Variants in CTNNA2 observed in about 807,000 individuals in gnomAD.
CTNNA2 encodes the protein catenin alpha 2, also known as catenin alpha-2.
In CTNNA2, 42 loss-of-function variants were observed where a neutral mutation model predicts 101.0. The ratio of observed to expected loss-of-function variants is 0.42; its 90% CI spans 0.32 to 0.54. CTNNA2 has a LOEUF of 0.54. Ranked by LOEUF, CTNNA2 falls within the 20% of genes least tolerant of loss-of-function variation. CTNNA2 has a pLI of 0.14. For missense variants in CTNNA2, 871 were observed against 1,223.1 expected, an observed-to-expected ratio of 0.71 and a Z score of 4.29; for synonymous variants, 450 against 456.4, an observed-to-expected ratio of 0.99 and a Z score of 0.18.
chr2:79,690,424 G>A (rs971608465), intron 2 of CTNNA2, among the ~76,000 whole-genome samples: 1 of 151,886 alleles, frequency 6.6e-6, no homozygotes, highest in African/African-American at 2.4e-5. Flanking sequence ...CATACGAAAG[G>A]AAATACTTCC....
intron 7 of CTNNA2, among the ~76,000 whole-genome samples, chr2:80,063,340 A>G (rs1697741917): frequency 6.6e-6 from 1 of 152,110 alleles, no homozygotes; most frequent in Non-Finnish European, 1.5e-5. Context: ...TTCTAATAAG[A>G]TTGTAAATGC....
At chr2:80,060,164 A>G (rs1697482362) in intron 7 of CTNNA2, among the ~76,000 whole-genome samples, 1 of 152,120 alleles carries the variant, frequency 6.6e-6, no homozygotes, top group South Asian at 2.1e-4. Context: ...CTTGCCCTTG[A>G]CTTCACTGCA....
intron 7 of CTNNA2, among the ~76,000 whole-genome samples, chr2:79,921,285 C>T (rs76493769): frequency 0.015 from 2,238 of 152,168 alleles, 65 homozygotes; most frequent in African/African-American, 0.051. Context: ...TAATATAGCA[C>T]GGGTTAAAAA....
intron 9 of CTNNA2, among the ~76,000 whole-genome samples, chr2:80,519,277 A>G (rs1021960870): frequency 1.3e-5 from 2 of 152,182 alleles, no homozygotes; most frequent in Non-Finnish European, 2.9e-5. Context: ...TTTGAACACT[A>G]TCATGGATTG....
intron 7 of CTNNA2, among the ~76,000 whole-genome samples, chr2:80,355,450 T>C (rs558145762): frequency 6.6e-6 from 1 of 152,228 alleles, no homozygotes; most frequent in East Asian, 1.9e-4. Context: ...AGAGCTACAT[T>C]CTAAGGATGA....
At chr2:79,462,187 A>G (rs1197046004) in intron 4 of CTNNA2, among the ~76,000 whole-genome samples, 1 of 152,216 alleles carries the variant, frequency 6.6e-6, no homozygotes, top group East Asian at 1.9e-4. Flanking sequence ...CTTATGATTG[A>G]TGAATTCTGT....
intron 3 of CTNNA2, among the ~76,000 whole-genome samples, chr2:79,825,807 C>G (rs2105399769): frequency 6.6e-6 from 1 of 152,166 alleles, no homozygotes; most frequent in South Asian, 2.1e-4. Context: ...TGGGACCAAG[C>G]CCTGAGGATC....
intron 3 of CTNNA2, among the ~76,000 whole-genome samples, chr2:79,810,334 A>G (rs1312461299): frequency 6.6e-6 from 1 of 152,112 alleles, no homozygotes; most frequent in East Asian, 1.9e-4. Flanking sequence ...AGAAACGCCC[A>G]TAAAACCATT....
chr2:79,276,058 G>A (rs1249264102), intron 2 of CTNNA2, among the ~76,000 whole-genome samples: 1 of 151,978 alleles, frequency 6.6e-6, no homozygotes, highest in East Asian at 1.9e-4. Context: ...CAGACACCTG[G>A]GAAGACTATT....
chr2:80,009,751 TCA>T (rs759546197), intron 7 of CTNNA2, among the ~76,000 whole-genome samples: 79,655 of 146,358 alleles, frequency 0.54, 23,593 homozygotes, highest in East Asian at 0.75. Context: ...TGTGTGTGTG[TCA>T]GAGAGAGAGA....
intron 2 of CTNNA2, among the ~76,000 whole-genome samples, chr2:79,723,031 G>A (rs113366897): frequency 0.046 from 6,932 of 152,250 alleles, 187 homozygotes; most frequent in South Asian, 0.091. Context: ...ATAAGAAAGC[G>A]AAAGAGTAAG....
chr2:80,372,027 G>T (rs183441724), intron 7 of CTNNA2, among the ~76,000 whole-genome samples: 1 of 152,098 alleles, frequency 6.6e-6, no homozygotes, highest in Non-Finnish European at 1.5e-5. Flanking sequence ...CGTCCGAATT[G>T]AAGCACTTTA....
At chr2:80,212,952 G>T (rs1423613689) in intron 7 of CTNNA2, among the ~76,000 whole-genome samples, 1 of 152,108 alleles carries the variant, frequency 6.6e-6, no homozygotes, top group African/African-American at 2.4e-5. Context: ...GAGGGTGTAT[G>T]TGTCGAGGAA....
At chr2:80,490,874 A>G (rs1030134770) in intron 9 of CTNNA2, among the ~76,000 whole-genome samples, 2 of 152,274 alleles carry the variant, frequency 1.3e-5, no homozygotes, top group Middle Eastern at 3.4e-3. Flanking sequence ...ATTTGGTTTT[A>G]TGTTAAAATG....
At chr2:80,599,400 C>T (rs936091429) in intron 15 of CTNNA2, among the ~76,000 whole-genome samples, 1 of 152,168 alleles carries the variant, frequency 6.6e-6, no homozygotes, top group African/African-American at 2.4e-5. Flanking sequence ...ACCCTTGCTA[C>T]ATAAGCCAAA....
chr2:80,085,739 T>C (rs989892964), intron 7 of CTNNA2, among the ~76,000 whole-genome samples: 2 of 152,020 alleles, frequency 1.3e-5, no homozygotes, highest in African/African-American at 2.4e-5. Flanking sequence ...TGGAGTGATA[T>C]GGAGAAGGGG....
rs536655153 is a variant in CTNNA2, at chr2:80,368,507, C to CTGAAG, written c.1057-24704_1057-24703insTGAAG. Among the ~76,000 whole-genome samples the CTGAAG allele has an allele frequency of 2.0e-3, 301 of 151,050 alleles. 2 individuals carry two copies. The highest frequency in any genetic ancestry group is 3.8e-3 in the Non-Finnish European group (257 of 67,802). On this transcript the variant is annotated intron_variant, in intron 7 of 18. Coordinates refer to ENST00000402739, the MANE Select transcript of CTNNA2 (RefSeq NM_001282597.3). Reference sequence around the variant, plus strand: ...TACACAGATGCCATTTTTTTTTTAACCATTTTTGCTTCAGTTTAGAAAGCA... The same window carrying CTGAAG: ...TACACAGATGCCATTTTTTTTTTAACTGAAGCATTTTTGCTTCAGTTTAGAAAGCA...
intron 3 of CTNNA2, among the ~76,000 whole-genome samples, chr2:79,769,855 A>G (rs778410667): frequency 6.6e-6 from 1 of 152,212 alleles, no homozygotes; most frequent in Non-Finnish European, 1.5e-5. Context: ...ATCATGTCCA[A>G]TAGAACTTTC....
At chr2:80,187,683 C>T (rs918260522) in intron 7 of CTNNA2, among the ~76,000 whole-genome samples, 20 of 152,112 alleles carry the variant, frequency 1.3e-4, no homozygotes, top group African/African-American at 4.6e-4. Context: ...GAACCAGCAA[C>T]ATCCGTAGAG....
Sources: allele counts gnomAD v4.1 joint callset (sites outside exome capture counted in the v4.1 genomes callset), GRCh38; gene constraint gnomAD v4.1.1; transcripts MANE v1.5; gene names NCBI Gene and HGNC (gene_info 2026-07-23, HGNC 2026-07-21).